Variants in SAFB2 observed in about 807,000 individuals in gnomAD.
The protein encoded by SAFB2 is scaffold attachment factor B2.
In SAFB2, 32 loss-of-function variants were observed where a neutral mutation model predicts 100.6. That is an observed-to-expected ratio of 0.32 (90% CI 0.24 to 0.43). The LOEUF (loss-of-function observed/expected upper bound fraction) is 0.43, where lower values mean the gene tolerates loss of function less well. SAFB2 is among the 20% of genes least tolerant of loss of function. SAFB2 has a pLI of 1.00. For missense variants in SAFB2, 1,185 were observed against 1,163.4 expected (o/e 1.02, Z -0.27); for synonymous variants, 500 against 439.4 (o/e 1.14, Z -1.72).
intron 13 of SAFB2, chr19:5,598,498 C>T (rs1408406879): frequency 7.5e-6 from 3 of 401,474 alleles, no homozygotes; most frequent in Non-Finnish European, 1.4e-5. Flanking sequence ...GCTCGAAAAG[C>T]CTGGGTCTGG....
Position 5,591,753 on chromosome 19 carries a change from C to T in SAFB2, c.2389G>A (p.Gly797Arg), listed in dbSNP as rs2052410629. Reference protein sequence around the residue: ...SRPMMGDHRDGQHYGDDRHGH... With the variant: ...SRPMMGDHRDRQHYGDDRHGH... The stretch of plus-strand genomic sequence containing the variant: ...GGCATCGGGGCTCTACTCACCTGCC[C>T]ATCCCGGTGGTCTCCCATCATTGGC... Residue 797 changes from glycine (G) to arginine (R), a missense_variant, in exon 17 of 21, where the codon GGG (glycine) becomes AGG (arginine). By Grantham distance (125) the Gly-to-Arg change is moderately radical (BLOSUM62 -2). Around this residue, in one of 3 missense-constraint regions of SAFB2, gnomAD observed 740 missense variants for 687.1 expected, o/e 1.08. Transcript: ENST00000252542. The T allele has an allele frequency of 1.2e-6, 2 of 1,613,966 alleles. No individual in the cohort carries two copies. The highest frequency in any genetic ancestry group is 8.5e-7 in the Non-Finnish European group (1 of 1,179,906).
intron 2 of SAFB2, among the ~76,000 whole-genome samples, 153 bp from the exon 3 acceptor site, chr19:5,616,639 TTTTC>T (rs1224380385): frequency 2.1e-5 from 3 of 140,524 alleles, no homozygotes; most frequent in Admixed American, 8.1e-5. Flanking sequence ...TCTCAATTTG[TTTTC>T]TTTTTTTTTT....
Position 5,622,745 on chromosome 19 carries a change from A to G in SAFB2, c.-30T>C, listed in dbSNP as rs774218079. 1 of 1,578,652 alleles carries G rather than the reference A, an allele frequency of 6.3e-7. No individual in the cohort carries two copies. Among genetic ancestry groups the G allele is most frequent in the Non-Finnish European group, 8.6e-7 (1 of 1,167,392 alleles). On this transcript the variant is annotated 5_prime_UTR_variant, in exon 1 of 21. Transcript: ENST00000252542. ...GCGTTCCCGTCTTCGCCACCGACTC[A>G]GTCGCACACCGCCGGCAGCTATAGC...
intron 11 of SAFB2, among the ~76,000 whole-genome samples, chr19:5,602,321 A>G (rs1188179486): frequency 6.6e-6 from 1 of 151,718 alleles, no homozygotes; most frequent in Non-Finnish European, 1.5e-5. Flanking sequence ...ACTAAAAAAT[A>G]CAAAAAAAAT....
intron 16 of SAFB2, among the ~76,000 whole-genome samples, chr19:5,592,530 A>C: frequency 6.6e-6 from 1 of 152,174 alleles, no homozygotes. Flanking sequence ...GAGTCGGTGG[A>C]TGGAATGAGC....
rs757696699 is a variant in SAFB2, at chr19:5,590,393, G to A, written c.2410C>T (p.Arg804Cys). Residue 804 changes from arginine (R) to cysteine (C), a missense_variant, in exon 18 of 21, where the codon CGC becomes TGC. Physicochemically the swap from Arg to Cys is radical, Grantham distance 180. This residue lies in a region of SAFB2 where 740 missense variants were observed against 687.1 expected (regional missense o/e 1.08). Transcript: ENST00000252542. ...TCTGGGGGTCCTCCGTGGCCATGGC[G>A]GTCATCTCCATAGTGCTGGAAGGCA... ...HRDGQHYGDDRHGHGGPPERH... is the reference protein window; with the variant it reads ...HRDGQHYGDDCHGHGGPPERH... 19 of 1,610,598 alleles carry A rather than the reference G, an allele frequency of 1.2e-5. No individual in the cohort carries two copies. Among genetic ancestry groups the A allele is most frequent in the Admixed American group, 5.0e-5 (3 of 59,612 alleles).
At chr19:5,612,144 C>G (rs892465180) in intron 6 of SAFB2, 7 of 332,660 alleles carry the variant, frequency 2.1e-5, no homozygotes, top group African/African-American at 1.5e-4. Context: ...GGAATCCAGT[C>G]ACTTCTCAGG....
rs1053099010 is a variant in SAFB2 at position 5,587,472 on chromosome 19, C to T, written c.2706-73G>A. On this transcript the variant is annotated intron_variant, in intron 20 of 20. Coordinates refer to ENST00000252542, the MANE Select transcript of SAFB2 (RefSeq NM_014649.3). The surrounding 1 kb of genome is among the most constrained non-coding windows in gnomAD (Gnocchi z 4.9). ...TTTCATCGTAACATGGGTTCAGTAA[C>T]GGTCCCGCAGCCTTTAGAGCGCTTG... 87 of 1,532,722 alleles carry T rather than the reference C, an allele frequency of 5.7e-5. No homozygotes were observed. The highest frequency in any genetic ancestry group is 2.4e-4 in the East Asian group (10 of 41,010). 94.9% of individuals were successfully genotyped at this position (1,532,722 alleles called of 1,614,324 possible).
At chr19:5,595,162 C>T (rs1421860745) in intron 14 of SAFB2, among the ~76,000 whole-genome samples, 199 bp downstream of exon 14, 1 of 152,212 alleles carries the variant, frequency 6.6e-6, no homozygotes, top group African/African-American at 2.4e-5. Context: ...TGATGACTTT[C>T]ATGCCACCTG....
intron 2 of SAFB2, among the ~76,000 whole-genome samples, chr19:5,618,589 A>G (rs1183010682): frequency 6.6e-6 from 1 of 152,168 alleles, no homozygotes; most frequent in Non-Finnish European, 1.5e-5. Context: ...GCACTCTAAA[A>G]CTCAGCTGTC....
chr19:5,598,128 C>T (rs1050361702), intron 13 of SAFB2, among the ~76,000 whole-genome samples: 2 of 142,108 alleles, frequency 1.4e-5, no homozygotes, highest in Non-Finnish European at 3.0e-5. Flanking sequence ...CAGCAAGACT[C>T]CATCTCAAAA....
chr19:5,610,022 G>A lies in SAFB2; in HGVS notation c.1269C>T (p.Leu423=). 2 of 1,614,148 alleles carry A rather than the reference G, an allele frequency of 1.2e-6. No individual in the cohort carries two copies. The highest frequency in any genetic ancestry group is 1.7e-6 in the Non-Finnish European group (2 of 1,180,020). The change falls in exon 9 of 21, where the codon CTC becomes CTT. Residue 423 remains leucine, a synonymous_variant. Transcript: ENST00000252542. ...GLSSTTRATD[L]KNLFSKYGKV... is the part of the protein sequence containing the mutation. Reference sequence around the variant, plus strand: ...TCCCATACTTGCTGAAAAGGTTCTTGAGATCCGTAGCGCGTGTTGTGGAGG... The same window carrying A: ...TCCCATACTTGCTGAAAAGGTTCTTAAGATCCGTAGCGCGTGTTGTGGAGG...
At chr19:5,621,142 C>T (rs2053132001) in intron 2 of SAFB2, among the ~76,000 whole-genome samples, 167 bp downstream of exon 2, 3 of 152,096 alleles carry the variant, frequency 2.0e-5, no homozygotes. Flanking sequence ...CTCCCTGTGC[C>T]CTTGACAGAG....
intron 11 of SAFB2, among the ~76,000 whole-genome samples, chr19:5,601,073 G>C (rs1192408354): frequency 6.6e-6 from 1 of 152,176 alleles, no homozygotes; most frequent in Non-Finnish European, 1.5e-5. Context: ...CAGAGCTCCA[G>C]CCATGCCAGG....
At position 5,622,533 on chromosome 19, in the gene SAFB2, C is replaced by G; in HGVS notation, c.183G>C (p.Lys61Asn). ...GNKSVLMERL[K>N]KAVKEEGQDP... The stretch of plus-strand genomic sequence containing the variant: ...CCCGAGCCCCGCGCCGCCTCACCTT[C>G]TTGAGCCGCTCCATCAGGACGCTCT... The change falls in exon 1 of 21, where the codon AAG becomes AAC. Residue 61 changes from lysine to asparagine, a missense_variant. Lys to Asn is a moderately conservative substitution (Grantham distance 94). Transcript: ENST00000252542. 1 of 1,611,302 alleles carries G rather than the reference C, an allele frequency of 6.2e-7. No homozygotes were observed. The highest frequency in any genetic ancestry group is 1.1e-5 in the South Asian group (1 of 90,900).
chr19:5,593,810 G>C, intron 15 of SAFB2, 81 bp downstream of exon 15: 1 of 1,338,350 alleles, frequency 7.5e-7, no homozygotes, highest in Non-Finnish European at 9.7e-7. Context: ...AGGGACGGAA[G>C]GGAAGCCGCT....
In SAFB2 at chr19:5,590,344, TCACGGGA is replaced by T. The variant is rs2052367174; in HGVS notation, c.2452_2458del (p.Ser818MetfsTer12). 3.1e-6 allele frequency: 5 copies of T among 1,610,770 alleles called. No homozygotes were observed. The Admixed American group carries it at 5.0e-5, about 16-fold the overall frequency. On this transcript the variant is annotated frameshift_variant, in exon 18 of 21. Coordinates refer to ENST00000252542, the MANE Select transcript of SAFB2 (RefSeq NM_014649.3). LOFTEE classifies it high-confidence loss of function. ...GTCGGAGCCGTAGCCCCCCCAGCCA[TCACGGGA>T]GTCCCGGCCGTGGCGCTCTGGGGGT...
rs531236293 is a variant in SAFB2 at position 5,593,613 on chromosome 19, A to AG, written c.2207+277dup. On this transcript the variant is annotated intron_variant, in intron 15 of 20. Coordinates refer to ENST00000252542, the MANE Select transcript of SAFB2 (RefSeq NM_014649.3). ...AGCTATGCTCCACGGGTAAGTGGAG[A>AG]GGAAAAGCATCACAAACCCTTCAGC... 2.2e-3 allele frequency: 869 copies of AG among 401,444 alleles called. 6 individuals carry two copies. The highest frequency in any genetic ancestry group is 3.3e-3 in the Non-Finnish European group (739 of 227,368). The allele number at this position is 401,444 out of a possible 1,614,324, so 24.9% of individuals were successfully genotyped here. A position where few individuals can be genotyped will look rare whatever the true frequency, so the allele number is the denominator to read the frequency against.
At chr19:5,614,703 C>T (rs1390470352) in intron 4 of SAFB2, among the ~76,000 whole-genome samples, 1 of 152,192 alleles carries the variant, frequency 6.6e-6, no homozygotes, top group Non-Finnish European at 1.5e-5. Context: ...TGAAGATCAG[C>T]TCGAAGACAC....
Sources: gnomAD v4.1 joint callset for allele counts (sites outside exome capture counted in the v4.1 genomes callset) on GRCh38, gnomAD v4.1.1 for gene constraint, gnomAD v4.1.1 regional missense constraint, Gnocchi (gnomAD v3.1) non-coding constraint, MANE v1.5 for transcripts, NCBI Gene and HGNC (gene_info 2026-07-23, HGNC 2026-07-21) for gene names.